MAMSTR: variants seen among roughly 807,000 people sequenced by gnomAD.
MAMSTR encodes MEF2-activating motif and SAP domain-containing transcriptional regulator.
Under a neutral mutation model 42.7 loss-of-function variants are expected in MAMSTR, and 41 were observed. The observed-to-expected ratio is 0.96, with a 90% CI of 0.75 to 1.25. The LOEUF (loss-of-function observed/expected upper bound fraction) is 1.25, where lower values mean the gene tolerates loss of function less well. Among genes scored for constraint, MAMSTR ranks in the 50% most tolerant of loss-of-function variants. MAMSTR has a pLI of 0.00. For missense variants in MAMSTR, 567 were observed against 557.6 expected (o/e 1.02, Z -0.17); for synonymous variants, 265 against 244.1 (o/e 1.09, Z -0.80).
At chr19:48,707,875 G>GAAAGAAAGA (rs1568464030), downstream of MAMSTR, among the ~76,000 whole-genome samples, 9 of 110,214 alleles carry the variant, frequency 8.2e-5, no homozygotes, top group South Asian at 2.4e-3. Flanking sequence ...AAGAAAGAAA[G>GAAAGAAAGA]AAAGAAAGAA....
At chr19:48,716,315 T>C (rs2033028404) in intron 3 of MAMSTR, among the ~76,000 whole-genome samples, 1 of 138,922 alleles carries the variant, frequency 7.2e-6, no homozygotes, top group South Asian at 2.2e-4. Context: ...GGTAGAGGTT[T>C]CAGTGAGCTT....
Position 48,714,355 on chromosome 19 carries a change from C to T in MAMSTR, c.723+11G>A, listed in dbSNP as rs755412001. On this transcript the variant is annotated intron_variant, in intron 7 of 9. Transcript: ENST00000318083. ...CTTCATTGGTCCGCAAGCTCATAGC[C>T]CCGCCCTCACCGAGCCCTGACGCCG... 7.3e-7 allele frequency: 1 copy of T among 1,367,994 alleles called. No individual in the cohort carries two copies. The highest frequency in any genetic ancestry group is 9.4e-7 in the Non-Finnish European group (1 of 1,069,238). 84.7% of individuals were successfully genotyped at this position (1,367,994 alleles called of 1,614,324 possible).
chr19:48,714,080 A>G (rs1436572761), intron 7 of MAMSTR, 35 bp from the exon 8 acceptor site: 7 of 1,530,046 alleles, frequency 4.6e-6, no homozygotes, highest in East Asian at 4.6e-5. Context: ...CCCATAAGCC[A>G]TGCCCACAGG....
intron 2 of MAMSTR, among the ~76,000 whole-genome samples, chr19:48,717,796 C>T (rs1173790170): frequency 6.6e-6 from 1 of 152,068 alleles, no homozygotes; most frequent in East Asian, 1.9e-4. Flanking sequence ...CCTCCACCTC[C>T]CGGGTGCAAG....
At chr19:48,716,374 C>CAAAAAAAAA (rs35058019) in intron 3 of MAMSTR, among the ~76,000 whole-genome samples, 3 of 65,018 alleles carry the variant, frequency 4.6e-5, no homozygotes, top group African/African-American at 6.1e-5. Context: ...GATTCCATCT[C>CAAAAAAAAA]AAAAAAAAAA....
At chr19:48,708,076 A>C (rs532025307), downstream of MAMSTR, among the ~76,000 whole-genome samples, 1 of 151,916 alleles carries the variant, frequency 6.6e-6, no homozygotes, top group African/African-American at 2.4e-5. Flanking sequence ...CTCTACTAAA[A>C]ATACAAAATT....
Position 48,716,695 on chromosome 19 carries a change from C to G in MAMSTR, c.97+10G>C. The G allele has an allele frequency of 7.5e-7, 1 of 1,331,908 alleles. No individual in the cohort carries two copies. The highest frequency in any genetic ancestry group is 9.7e-7 in the Non-Finnish European group (1 of 1,032,052). The allele number at this position is 1,331,908 out of a possible 1,614,324, so 82.5% of individuals were successfully genotyped here. On this transcript the variant is annotated intron_variant, in intron 3 of 9. Coordinates refer to ENST00000318083, the MANE Select transcript of MAMSTR (RefSeq NM_001130915.2). ...GTCACCATCCCCTCCCTTTTGGGGC[C>G]CATACTTACTCTGCTCCTGATTCCG...
downstream of MAMSTR, among the ~76,000 whole-genome samples, chr19:48,708,743 C>G (rs2032687645): frequency 1.3e-5 from 2 of 152,074 alleles, no homozygotes; most frequent in Admixed American, 1.3e-4. Context: ...GCAATGGAGG[C>G]AGGTGGGGGG....
At chr19:48,718,904 T>C in intron 2 of MAMSTR, 70 bp downstream of exon 2, 10 of 556,894 alleles carry the variant, frequency 1.8e-5, no homozygotes, top group Non-Finnish European at 2.3e-5. Context: ...CTACCACCCC[T>C]CCCTTCCCAC....
chr19:48,715,492 C>T, intron 4 of MAMSTR, 46 bp from the exon 5 acceptor site: 2 of 1,465,324 alleles, frequency 1.4e-6, no homozygotes, highest in Non-Finnish European at 1.8e-6. Context: ...CGGCTCCCAC[C>T]TTCCGGCCCC....
At chr19:48,717,563 C>A (rs2033092781) in intron 2 of MAMSTR, among the ~76,000 whole-genome samples, 1 of 138,982 alleles carries the variant, frequency 7.2e-6, no homozygotes, top group Admixed American at 7.6e-5. Flanking sequence ...GAGACAAAGT[C>A]TCGCTCTGTC....
At position 48,714,857 on chromosome 19, in the gene MAMSTR, C is replaced by A. The variant is rs371339128; in HGVS notation, c.477G>T (p.Ser159=). ...TPCPPGVPSP[S]PPPHKLELQT... ...GAAGTTCCAACTTGTGTGGGGGGGG[C>A]GAGGGGCTAGGGACTCCTGGTGGGC... Residue 159 remains serine, a synonymous_variant, in exon 6 of 10, where the codon TCG becomes TCT. Coordinates refer to ENST00000318083, the MANE Select transcript of MAMSTR (RefSeq NM_001130915.2). The A allele has an allele frequency of 8.7e-6, 14 of 1,609,896 alleles. No individual in the cohort carries two copies. Among genetic ancestry groups the A allele is most frequent in the Non-Finnish European group, 1.2e-5 (14 of 1,178,234 alleles).
chr19:48,706,455 T>C, the MAMSTR span, among the ~76,000 whole-genome samples: 2 of 151,606 alleles, frequency 1.3e-5, no homozygotes, highest in South Asian at 2.1e-4. Context: ...CTGGCCAACA[T>C]AGTGAAACCC....
downstream of MAMSTR, among the ~76,000 whole-genome samples, chr19:48,712,507 C>T (rs1394097547): frequency 2.6e-5 from 4 of 151,870 alleles, no homozygotes; most frequent in Admixed American, 6.6e-5. Context: ...CCACAACCTC[C>T]GCCTCCCGGG....
intron 9 of MAMSTR, 80 bp downstream of exon 9, chr19:48,713,636 C>T (rs774078541): frequency 3.1e-6 from 5 of 1,606,250 alleles, no homozygotes; most frequent in Middle Eastern, 1.7e-4. Flanking sequence ...GATCCAGCTC[C>T]CCAGCTCACG....
downstream of MAMSTR, among the ~76,000 whole-genome samples, chr19:48,711,318 G>A (rs1463741947): frequency 6.6e-6 from 1 of 152,154 alleles, no homozygotes; most frequent in African/African-American, 2.4e-5. Context: ...TGCATGGAGT[G>A]TCACACTGCA....
In MAMSTR at chr19:48,714,501, A is replaced by T; in HGVS notation, c.588T>A (p.Ser196=). The T allele has an allele frequency of 7.0e-7, 1 of 1,437,938 alleles. No individual in the cohort carries two copies. Among genetic ancestry groups the T allele is most frequent in the Non-Finnish European group, 9.0e-7 (1 of 1,109,094 alleles). The allele number at this position is 1,437,938 out of a possible 1,614,324, so 89.1% of individuals were successfully genotyped here. The change falls in exon 7 of 10, where the codon TCT becomes TCA. Residue 196 remains serine (S), a synonymous_variant. Transcript: ENST00000318083. The stretch of plus-strand genomic sequence containing the variant: ...CGCCGCGCATGCGCTCCAGGAGCAT[A>T]GACTTGGTCCCCGACACTGGGAGGC... The part of the protein sequence containing the change: ...LRGLPVSGTK[S]MLLERMRGGA...
At chr19:48,713,638 C>T (rs745326314) in intron 9 of MAMSTR, 78 bp downstream of exon 9, 45 of 1,605,820 alleles carry the variant, frequency 2.8e-5, no homozygotes, top group Non-Finnish European at 3.8e-5. Flanking sequence ...TCCAGCTCCC[C>T]AGCTCACGCC....
At chr19:48,707,004 G>T in the MAMSTR span, among the ~76,000 whole-genome samples, 2 of 152,104 alleles carry the variant, frequency 1.3e-5, no homozygotes, top group African/African-American at 4.8e-5. Context: ...GCTGAAGTGG[G>T]AGGATCAATT....
Sources: allele counts gnomAD v4.1 joint callset (sites outside exome capture counted in the v4.1 genomes callset), GRCh38; gene constraint gnomAD v4.1.1; transcripts MANE v1.5; gene names NCBI Gene and HGNC (gene_info 2026-07-23, HGNC 2026-07-21).